BIRC6: variants seen among roughly 807,000 people sequenced by gnomAD.
BIRC6 encodes the protein baculoviral IAP repeat containing 6, also known as dual E2 ubiquitin-conjugating enzyme/E3 ubiquitin-protein ligase BIRC6.
A neutral mutation model predicts 503.3 loss-of-function variants in BIRC6; 98 were observed. That is an observed-to-expected ratio of 0.19 (90% CI 0.17 to 0.23). The LOEUF is 0.23. Among genes scored for constraint, BIRC6 ranks in the 10% least tolerant of loss-of-function variants. The probability of loss-of-function intolerance (pLI) is 1.00; values close to 1 mark genes in which losing one functional copy is unlikely to be tolerated. For synonymous variants in BIRC6, 2,240 were observed against 2,078.7 expected (o/e 1.08, Z -2.11); for missense variants, 5,360 against 5,806.0 (o/e 0.92, Z 2.50).
At position 32,505,211 on chromosome 2, in the gene BIRC6, TA is replaced by T; in HGVS notation, c.9700+8del. ...TCATCTTGCATCTCTTGCAAGTGAG[TA>T]ATATTTTATAAAGAAGCATCATGAG... is the stretch of plus-strand genomic sequence containing the variant. On this transcript the variant is annotated splice_region_variant and intron_variant, in intron 50 of 73. Transcript: ENST00000421745. 1 of 1,538,100 alleles carries T rather than the reference TA, an allele frequency of 6.5e-7. No individual in the cohort carries two copies. Among genetic ancestry groups the T allele is most frequent in the Non-Finnish European group, 8.8e-7 (1 of 1,133,140 alleles).
intron 50 of BIRC6, among the ~76,000 whole-genome samples, chr2:32,505,670 A>G (rs2053715229): frequency 6.6e-6 from 1 of 152,180 alleles, no homozygotes. Flanking sequence ...TGATTTTAAG[A>G]TTCATACTGT....
intron 71 of BIRC6, among the ~76,000 whole-genome samples, chr2:32,606,122 A>G (rs535951957): frequency 6.6e-6 from 1 of 152,308 alleles, no homozygotes; most frequent in South Asian, 2.1e-4. Flanking sequence ...ATAATATCTG[A>G]TGTTTTCCTG....
intron 45 of BIRC6, among the ~76,000 whole-genome samples, chr2:32,496,809 G>T (rs1184519489): frequency 6.6e-6 from 1 of 152,146 alleles, no homozygotes; most frequent in East Asian, 1.9e-4. Flanking sequence ...TGGCCATATT[G>T]TCAGAGAATA....
chr2:32,364,155 A>G (rs2034533857), intron 1 of BIRC6, among the ~76,000 whole-genome samples: 1 of 152,256 alleles, frequency 6.6e-6, no homozygotes, highest in Non-Finnish European at 1.5e-5. Context: ...ATATGGCAGT[A>G]TATGGGTAGG....
At chr2:32,508,409 G>A in intron 51 of BIRC6, 150 bp downstream of exon 51, 2 of 1,092,188 alleles carry the variant, frequency 1.8e-6, no homozygotes, top group Admixed American at 3.4e-5. Context: ...AATTTTATTA[G>A]GTGTAATAGA....
chr2:32,506,017 T>C (rs2149529145), intron 50 of BIRC6, among the ~76,000 whole-genome samples: 1 of 152,120 alleles, frequency 6.6e-6, no homozygotes. Context: ...TGGCTAAATT[T>C]TTGTATTTTT....
intron 65 of BIRC6, among the ~76,000 whole-genome samples, chr2:32,573,644 G>C (rs1381977158): frequency 6.6e-6 from 1 of 152,166 alleles, no homozygotes; most frequent in Admixed American, 6.5e-5. Context: ...GAAGCAACGT[G>C]TGTTCCTCGA....
Position 32,435,506 on chromosome 2 carries a change from T to G in BIRC6, c.3420T>G (p.Ile1140Met), listed in dbSNP as rs1558715613. The G allele has an allele frequency of 6.4e-7, 1 of 1,553,276 alleles. No individual in the cohort carries two copies. The highest frequency in any genetic ancestry group is 1.4e-5 in the African/African-American group (1 of 73,358). The change falls in exon 14 of 74, where the codon ATT becomes ATG. Residue 1140 changes from isoleucine (I) to methionine (M), a missense_variant. Coordinates refer to ENST00000421745, the MANE Select transcript of BIRC6 (RefSeq NM_016252.4). Reference sequence around the variant, plus strand: ...TTCCTTTGTCTCCAGCTCTTAACATTGAAGTGGAACAAAATGGGAAACCGT... The same window carrying G: ...TTCCTTTGTCTCCAGCTCTTAACATGGAAGTGGAACAAAATGGGAAACCGT... Reference protein sequence around the residue: ...PGLGKVNALNIEVEQNGKPSL... With the variant: ...PGLGKVNALNMEVEQNGKPSL...
At chr2:32,423,156 C>G (rs1427925659) in intron 10 of BIRC6, among the ~76,000 whole-genome samples, 1 of 152,180 alleles carries the variant, frequency 6.6e-6, no homozygotes, top group East Asian at 1.9e-4. Context: ...TCTCTAACTC[C>G]TGACCTTAAG....
chr2:32,462,798 A>G (rs1054139539), intron 23 of BIRC6, among the ~76,000 whole-genome samples: 2 of 152,070 alleles, frequency 1.3e-5, no homozygotes, highest in African/African-American at 4.8e-5. Flanking sequence ...TCTACTAAAC[A>G]TACAAAAATT....
intron 10 of BIRC6, among the ~76,000 whole-genome samples, chr2:32,416,658 C>G (rs1056345208): frequency 1.3e-5 from 2 of 151,852 alleles, no homozygotes; most frequent in African/African-American, 4.8e-5. Context: ...ATTTTTTTGT[C>G]TGATTTATTC....
At chr2:32,502,422 T>C (rs2053303688) in intron 47 of BIRC6, among the ~76,000 whole-genome samples, 1 of 152,224 alleles carries the variant, frequency 6.6e-6, no homozygotes, top group African/African-American at 2.4e-5. Context: ...TAGAACAGTT[T>C]CTTATGTCTT....
In BIRC6 at chr2:32,361,530, C is replaced by T. The variant is rs79997006; in HGVS notation, c.325+4044C>T. On this transcript the variant is annotated intron_variant, in intron 1 of 73. Coordinates refer to ENST00000421745, the MANE Select transcript of BIRC6 (RefSeq NM_016252.4). ...ATCTTAGCACTAACAATCATCATCT[C>T]CCAAAGTGCATAGTTTACATTAGGA... is the stretch of plus-strand genomic sequence containing the variant. 4.4e-3 allele frequency among the ~76,000 whole-genome samples: 677 copies of T among 152,262 alleles called. 5 individuals are homozygous for T. Among genetic ancestry groups the T allele is most frequent in the African/African-American group, 0.016 (652 of 41,552 alleles).
intron 10 of BIRC6, among the ~76,000 whole-genome samples, chr2:32,422,830 C>G (rs997706098): frequency 1.3e-5 from 2 of 152,112 alleles, no homozygotes; most frequent in African/African-American, 4.8e-5. Context: ...GCAAAAAACC[C>G]ACAAATAATT....
intron 66 of BIRC6, among the ~76,000 whole-genome samples, chr2:32,583,850 C>G (rs1022808349): frequency 6.6e-6 from 1 of 152,168 alleles, no homozygotes; most frequent in Non-Finnish European, 1.5e-5. Flanking sequence ...TCTACCTCAG[C>G]CTCCCAAGTA....
In BIRC6 at chr2:32,593,041, T is replaced by C. The variant is rs559658392; in HGVS notation, c.13356-874T>C. ...CTAAAAAAATAAGTGATGTATAGTTTAGATCATACCTTAGCATAAATATTT... is the reference window on the plus strand; with the variant it reads ...CTAAAAAAATAAGTGATGTATAGTTCAGATCATACCTTAGCATAAATATTT... On this transcript the variant is annotated intron_variant, in intron 66 of 73. Coordinates refer to ENST00000421745, the MANE Select transcript of BIRC6 (RefSeq NM_016252.4). Among the ~76,000 whole-genome samples, 4 of 152,356 alleles carry C rather than the reference T, an allele frequency of 2.6e-5. No homozygotes were observed. The South Asian group carries it at 8.3e-4, about 32-fold the overall frequency.
intron 5 of BIRC6, among the ~76,000 whole-genome samples, chr2:32,394,705 A>G (rs953387690): frequency 6.6e-6 from 1 of 152,046 alleles, no homozygotes; most frequent in Non-Finnish European, 1.5e-5. Flanking sequence ...GTCATGAAAC[A>G]CTTCTGTAGT....
chr2:32,552,238 T>G (rs1255568152), intron 65 of BIRC6, among the ~76,000 whole-genome samples: 1 of 152,218 alleles, frequency 6.6e-6, no homozygotes. Flanking sequence ...TTTGTAATCT[T>G]TAAACTTTAA....
intron 65 of BIRC6, among the ~76,000 whole-genome samples, chr2:32,550,744 T>G (rs1453755244): frequency 6.6e-6 from 1 of 152,160 alleles, no homozygotes; most frequent in African/African-American, 2.4e-5. Flanking sequence ...TTATGGTTCA[T>G]TGTCAAAAAG....
Sources: gnomAD v4.1 joint callset for allele counts (sites outside exome capture counted in the v4.1 genomes callset) on GRCh38, gnomAD v4.1.1 for gene constraint, MANE v1.5 for transcripts, NCBI Gene and HGNC (gene_info 2026-07-23, HGNC 2026-07-21) for gene names.